Variants in SIPA1L3 observed in about 807,000 individuals in gnomAD.
The protein encoded by SIPA1L3 is signal-induced proliferation-associated 1-like protein 3.
A neutral mutation model predicts 150.1 loss-of-function variants in SIPA1L3; 59 were observed. The observed-to-expected ratio is 0.39, with a 90% CI of 0.32 to 0.49. The LOEUF is 0.49. Among genes scored for constraint, SIPA1L3 ranks in the 20% least tolerant of loss-of-function variants. SIPA1L3 has a pLI of 0.86. For missense variants in SIPA1L3, 2,211 were observed against 2,489.5 expected (o/e 0.89, Z 2.38); for synonymous variants, 1,070 against 1,077.6 (o/e 0.99, Z 0.14).
intron 19 of SIPA1L3, chr19:38,200,342 G>A (rs908369406): frequency 6.6e-6 from 1 of 152,160 alleles, no homozygotes; most frequent in African/African-American, 2.4e-5. Flanking sequence ...CTGATGCGGT[G>A]TCTTCACTAA....
intron 2 of SIPA1L3, among the ~76,000 whole-genome samples, chr19:38,060,721 C>T (rs1470002489): frequency 3.3e-5 from 5 of 152,108 alleles, no homozygotes; most frequent in Admixed American, 6.5e-5. Context: ...GACAGAGTTT[C>T]GCTCTTGTTG....
Position 38,182,557 on chromosome 19 carries a change from A to G in SIPA1L3, c.4247A>G (p.Tyr1416Cys). ...AGGGTTGGCTACCCCGCTCAGGTTT[A>G]CAAAACTGCCAGTGCAGAGACTCCT... is the stretch of plus-strand genomic sequence containing the variant. ...GSRVGYPAQV[Y>C]KTASAETPRP... Residue 1416 changes from tyrosine to cysteine, a missense_variant, in exon 16 of 22, where the codon TAC (tyrosine) becomes TGC (cysteine). Around this residue, in one of 5 missense-constraint regions of SIPA1L3, gnomAD observed 806 missense variants for 870.1 expected, o/e 0.93. Transcript: ENST00000222345. 2 of 1,613,896 alleles carry G rather than the reference A, an allele frequency of 1.2e-6. No individual in the cohort carries two copies. Among genetic ancestry groups the G allele is most frequent in the Non-Finnish European group, 1.7e-6 (2 of 1,179,892 alleles).
intron 1 of SIPA1L3, among the ~76,000 whole-genome samples, chr19:37,918,385 G>A (rs1050399759): frequency 6.6e-6 from 1 of 151,612 alleles, no homozygotes; most frequent in East Asian, 2.0e-4. Context: ...TCAGCCTCCC[G>A]ATTAGCTGGG....
rs751637144 is a variant in SIPA1L3 at position 38,088,716 on chromosome 19, C to G, written c.1535-5C>G. 3.1e-6 allele frequency: 5 copies of G among 1,613,070 alleles called. No individual in the cohort carries two copies. The highest frequency in any genetic ancestry group is 3.3e-4 in the Middle Eastern group (2 of 6,060). On this transcript the variant is annotated splice_region_variant and splice_polypyrimidine_tract_variant and intron_variant, in intron 3 of 21. Transcript: ENST00000222345. ...AGCCTGAACTCGCCTGCTCTTCCTT[C>G]TTAGAACATGCCAATTACTTCGGCG...
chr19:38,088,158 A>G (rs907694869), intron 3 of SIPA1L3, among the ~76,000 whole-genome samples: 5 of 152,208 alleles, frequency 3.3e-5, no homozygotes, highest in East Asian at 1.9e-4. Context: ...TGTGCGTACT[A>G]TGTGCCTGGC....
chr19:38,127,099 G>A (rs1055923793), intron 9 of SIPA1L3, among the ~76,000 whole-genome samples: 3 of 152,170 alleles, frequency 2.0e-5, no homozygotes, highest in Non-Finnish European at 4.4e-5. Context: ...GGCTGAGGCA[G>A]GAGAATTGCT....
chr19:37,946,912 G>T (rs552728541), intron 1 of SIPA1L3, among the ~76,000 whole-genome samples: 2 of 152,206 alleles, frequency 1.3e-5, no homozygotes, highest in African/African-American at 2.4e-5. Context: ...TGGGCCAGGC[G>T]CAGTGGCTCA....
intron 9 of SIPA1L3, among the ~76,000 whole-genome samples, chr19:38,126,192 C>T (rs1256561379): frequency 6.6e-6 from 1 of 150,846 alleles, no homozygotes; most frequent in Non-Finnish European, 1.5e-5. Flanking sequence ...AAAACAAAAA[C>T]AAAAACAAAA....
chr19:38,100,193 C>T (rs762594062), intron 5 of SIPA1L3, 43 bp downstream of exon 5: 3 of 1,402,858 alleles, frequency 2.1e-6, no homozygotes, highest in Non-Finnish European at 2.8e-6. Flanking sequence ...GGGGCAGTAC[C>T]TTGCAACCCC....
intron 1 of SIPA1L3, among the ~76,000 whole-genome samples, chr19:37,931,061 T>C (rs954697784): frequency 6.6e-6 from 1 of 152,220 alleles, no homozygotes; most frequent in African/African-American, 2.4e-5. Context: ...TCTTAATTTC[T>C]TTTCCTTCAG....
At chr19:38,199,334 G>T (rs1973034797) in intron 19 of SIPA1L3, among the ~76,000 whole-genome samples, 1 of 152,222 alleles carries the variant, frequency 6.6e-6, no homozygotes. Context: ...GCCATCAGCG[G>T]TTGTAGTGTT....
At chr19:37,988,427 G>A (rs1479255396) in intron 1 of SIPA1L3, among the ~76,000 whole-genome samples, 2 of 152,236 alleles carry the variant, frequency 1.3e-5, no homozygotes, top group African/African-American at 4.8e-5. Context: ...TGTAATCCCA[G>A]CACTTTGGGA....
At chr19:37,975,244 G>A (rs1448680571) in intron 1 of SIPA1L3, among the ~76,000 whole-genome samples, 1 of 152,176 alleles carries the variant, frequency 6.6e-6, no homozygotes, top group Non-Finnish European at 1.5e-5. Context: ...AGCGAGGAGA[G>A]CATATTAATG....
chr19:37,992,596 A>G (rs955630096), intron 1 of SIPA1L3, among the ~76,000 whole-genome samples: 1 of 151,606 alleles, frequency 6.6e-6, no homozygotes, highest in African/African-American at 2.4e-5. Flanking sequence ...GGTTACAGTG[A>G]GCTGAGATTG....
At chr19:38,166,642 G>T (rs567608168) in intron 15 of SIPA1L3, among the ~76,000 whole-genome samples, 1 of 152,140 alleles carries the variant, frequency 6.6e-6, no homozygotes, top group African/African-American at 2.4e-5. Context: ...TTAGGGTTCT[G>T]TGACCCCAGC....
chr19:38,176,401 G>GT (rs1255208135), intron 15 of SIPA1L3, among the ~76,000 whole-genome samples: 3 of 150,866 alleles, frequency 2.0e-5, no homozygotes, highest in East Asian at 2.0e-4. Flanking sequence ...TTATTTGCTT[G>GT]TTTTTTGTTT....
chr19:38,174,046 T>G (rs1972387017), intron 15 of SIPA1L3, among the ~76,000 whole-genome samples: 1 of 152,030 alleles, frequency 6.6e-6, no homozygotes. Context: ...CTGATCTGAT[T>G]CACATGTTCC....
chr19:38,141,699 T>C (rs1971589857), intron 11 of SIPA1L3, among the ~76,000 whole-genome samples: 1 of 152,200 alleles, frequency 6.6e-6, no homozygotes, highest in African/African-American at 2.4e-5. Context: ...CTCTGCTTTT[T>C]AGGCTGGGCA....
chr19:37,966,567 T>C (rs992970104), intron 1 of SIPA1L3, among the ~76,000 whole-genome samples: 1 of 152,106 alleles, frequency 6.6e-6, no homozygotes, highest in Non-Finnish European at 1.5e-5. Flanking sequence ...TGGGGCAGGC[T>C]CTGTTCTGTA....
Sources: gnomAD v4.1 joint callset for allele counts (sites outside exome capture counted in the v4.1 genomes callset) on GRCh38, gnomAD v4.1.1 for gene constraint, gnomAD v4.1.1 regional missense constraint, MANE v1.5 for transcripts, NCBI Gene and HGNC (gene_info 2026-07-23, HGNC 2026-07-21) for gene names.